The following ANTXR1 variants were observed in gnomAD, a reference collection of about 807,000 sequenced individuals.
ANTXR1 encodes the protein ANTXR cell adhesion molecule 1, also known as anthrax toxin receptor 1.
In ANTXR1, 19 loss-of-function variants were observed where a neutral mutation model predicts 78.1. That is an observed-to-expected ratio of 0.24 (90% CI 0.17 to 0.36). The LOEUF (loss-of-function observed/expected upper bound fraction) is 0.36. Among genes scored for constraint, ANTXR1 ranks in the 10% least tolerant of loss-of-function variants. ANTXR1 has a pLI of 1.00. For missense variants in ANTXR1, 518 were observed against 718.6 expected (o/e 0.72, Z 3.19); for synonymous variants, 273 against 260.5 (o/e 1.05, Z -0.46).
At chr2:69,104,183 C>T (rs953986051) in intron 10 of ANTXR1, among the ~76,000 whole-genome samples, 9 of 152,162 alleles carry the variant, frequency 5.9e-5, no homozygotes, top group Admixed American at 3.9e-4. Flanking sequence ...ACATGATCCA[C>T]CCGCCTCGGC....
intron 12 of ANTXR1, among the ~76,000 whole-genome samples, chr2:69,133,820 T>G (rs1229411589): frequency 6.6e-6 from 1 of 152,168 alleles, no homozygotes; most frequent in African/African-American, 2.4e-5. Flanking sequence ...TGATAGGTCC[T>G]TTGAAATATG....
chr2:69,059,651 A>AGTAT (rs1234571019), intron 3 of ANTXR1, among the ~76,000 whole-genome samples: 1 of 152,168 alleles, frequency 6.6e-6, no homozygotes, highest in Non-Finnish European at 1.5e-5. Context: ...GCTAATTTGA[A>AGTAT]GTATGTACTT....
intron 10 of ANTXR1, among the ~76,000 whole-genome samples, chr2:69,110,816 T>A (rs62133512): frequency 0.38 from 57,218 of 151,436 alleles, 11,220 homozygotes; most frequent in East Asian, 0.49. Context: ...GAGCCAAGAT[T>A]GGGCCACTGC....
rs1558726337 is a variant in ANTXR1, at chr2:69,013,691, G to A, written c.152+40G>A. 1.9e-6 allele frequency: 3 copies of A among 1,551,358 alleles called. No individual in the cohort carries two copies. Among genetic ancestry groups the A allele is most frequent in the Admixed American group, 3.9e-5 (2 of 51,002 alleles). ...TTGTCCCCCCCACCCCAGGCTAAGC[G>A]GGCGAAAACGCTTTCGCCCCGGGCC... On this transcript the variant is annotated intron_variant, in intron 1 of 17. Transcript: ENST00000303714. This position sits in a 1 kb window ranked among gnomAD's most constrained non-coding sequence, Gnocchi z 5.0.
intron 1 of ANTXR1, among the ~76,000 whole-genome samples, chr2:69,038,818 G>A (rs1294850127): frequency 1.3e-5 from 2 of 152,162 alleles, no homozygotes; most frequent in African/African-American, 4.8e-5. Flanking sequence ...AGGTCAGACA[G>A]ATATATCATT....
intron 12 of ANTXR1, among the ~76,000 whole-genome samples, chr2:69,151,622 C>T (rs2104429127): frequency 6.6e-6 from 1 of 152,316 alleles, no homozygotes; most frequent in Non-Finnish European, 1.5e-5. Context: ...CTCCCAGGTT[C>T]AGCAGCCGTT....
chr2:69,176,569 A>G (rs1038594300), intron 14 of ANTXR1, among the ~76,000 whole-genome samples: 3 of 151,662 alleles, frequency 2.0e-5, no homozygotes, highest in Non-Finnish European at 4.4e-5. Context: ...TTCTCACGAA[A>G]CTCACTCCTC....
At chr2:69,242,692 G>A (rs1675922745) in intron 17 of ANTXR1, among the ~76,000 whole-genome samples, 1 of 152,148 alleles carries the variant, frequency 6.6e-6, no homozygotes, top group South Asian at 2.1e-4. Flanking sequence ...GTCTGACTTT[G>A]CATGTCTAGG....
rs182047015 is a variant in ANTXR1 at position 69,076,964 on chromosome 2, G to A, written c.562-444G>A. 4.1e-3 allele frequency among the ~76,000 whole-genome samples: 623 copies of A among 152,312 alleles called. 8 individuals are homozygous for A. The highest frequency in any genetic ancestry group is 0.032 in the Admixed American group (492 of 15,286). ...TTAATGGGCAGTTTGGGTGAAAGGT[G>A]AAGGTGGCCTCACCCAACACCAAAG... On this transcript the variant is annotated intron_variant, in intron 7 of 17. Transcript: ENST00000303714.
chr2:69,222,096 C>A (rs950419474), intron 17 of ANTXR1, among the ~76,000 whole-genome samples: 2 of 152,166 alleles, frequency 1.3e-5, no homozygotes, highest in African/African-American at 4.8e-5. Context: ...ACATTACATC[C>A]AACACCACCA....
At chr2:69,178,465 A>G (rs952040263) in intron 14 of ANTXR1, among the ~76,000 whole-genome samples, 2 of 152,192 alleles carry the variant, frequency 1.3e-5, no homozygotes, top group Non-Finnish European at 2.9e-5. Context: ...CGAGAAGGCC[A>G]GGCCCTGCCC....
intron 17 of ANTXR1, among the ~76,000 whole-genome samples, chr2:69,197,125 G>A (rs1674683722): frequency 6.6e-6 from 1 of 152,208 alleles, no homozygotes; most frequent in African/African-American, 2.4e-5. Flanking sequence ...GTGGGCTCAT[G>A]GTCCCATTGT....
intron 17 of ANTXR1, among the ~76,000 whole-genome samples, chr2:69,226,663 A>G (rs1675462842): frequency 6.6e-6 from 1 of 152,174 alleles, no homozygotes; most frequent in Admixed American, 6.5e-5. Context: ...ATTGAAATAG[A>G]AGAAATGAAG....
intron 3 of ANTXR1, among the ~76,000 whole-genome samples, chr2:69,059,481 CTTTT>C (rs35182884): frequency 4.8e-5 from 7 of 145,944 alleles, no homozygotes; most frequent in African/African-American, 1.8e-4. Context: ...GAAGTGTGTA[CTTTT>C]TTTTTTTTTT....
intron 14 of ANTXR1, among the ~76,000 whole-genome samples, chr2:69,179,616 A>G (rs1431045382): frequency 6.6e-6 from 1 of 152,172 alleles, no homozygotes; most frequent in Non-Finnish European, 1.5e-5. Flanking sequence ...GGAAAAGCAA[A>G]CCACAAAAGA....
chr2:69,203,740 C>T (rs552074248), intron 17 of ANTXR1, among the ~76,000 whole-genome samples: 2 of 151,284 alleles, frequency 1.3e-5, no homozygotes, highest in Non-Finnish European at 2.9e-5. Flanking sequence ...CATTCCTCCT[C>T]CTCCTTATTA....
chr2:69,029,512 C>T (rs1018692515), intron 1 of ANTXR1, among the ~76,000 whole-genome samples: 3 of 150,986 alleles, frequency 2.0e-5, no homozygotes, highest in Middle Eastern at 3.4e-3. Context: ...GTACAATCTT[C>T]GATAATTTCT....
At chr2:69,118,185 C>T (rs1672213730) in intron 10 of ANTXR1, among the ~76,000 whole-genome samples, 1 of 145,492 alleles carries the variant, frequency 6.9e-6, no homozygotes, top group South Asian at 2.1e-4. Flanking sequence ...CTGAAGCAGG[C>T]AGATAGTTTG....
intron 17 of ANTXR1, among the ~76,000 whole-genome samples, chr2:69,212,041 G>A (rs1224255939): frequency 6.6e-6 from 1 of 152,204 alleles, no homozygotes; most frequent in Admixed American, 6.5e-5. Context: ...GATGCCTTGT[G>A]CCTCAGACCA....
Sources: gnomAD v4.1 joint callset for allele counts (sites outside exome capture counted in the v4.1 genomes callset) on GRCh38, gnomAD v4.1.1 for gene constraint, Gnocchi (gnomAD v3.1) non-coding constraint, MANE v1.5 for transcripts, NCBI Gene and HGNC (gene_info 2026-07-23, HGNC 2026-07-21) for gene names.